The following ITGA9 variants were observed in gnomAD, a reference collection of about 807,000 sequenced individuals.
The protein encoded by ITGA9 is integrin subunit alpha 9, also known as integrin alpha-9.
ITGA9 carries 56 observed loss-of-function variants against 127.8 expected under a neutral mutation model. The ratio of observed to expected loss-of-function variants is 0.44; its 90% CI spans 0.35 to 0.55. The LOEUF (loss-of-function observed/expected upper bound fraction) is 0.55, where lower values mean the gene tolerates loss of function less well. ITGA9 is among the 20% of genes least tolerant of loss of function. The pLI, the probability that ITGA9 is intolerant of heterozygous loss-of-function variation, is 0.00. For synonymous variants in ITGA9, 508 were observed against 514.5 expected, an observed-to-expected ratio of 0.99 and a Z score of 0.17; for missense variants, 1,196 against 1,347.1, an observed-to-expected ratio of 0.89 and a Z score of 1.76.
At chr3:37,477,989 G>T (rs753748141) in intron 3 of ITGA9, among the ~76,000 whole-genome samples, 16 of 151,128 alleles carry the variant, frequency 1.1e-4, no homozygotes, top group Non-Finnish European at 2.2e-4. Context: ...TTTTTAAAGT[G>T]AACTTTTTAT....
chr3:37,755,061 A>AC (rs1004161129), intron 23 of ITGA9, among the ~76,000 whole-genome samples: 20 of 151,576 alleles, frequency 1.3e-4, no homozygotes, highest in Admixed American at 3.9e-4. Context: ...TGAATAACTG[A>AC]CCCCCCCAAA....
intron 1 of ITGA9, among the ~76,000 whole-genome samples, chr3:37,470,352 A>G (rs982560928): frequency 1.3e-4 from 20 of 152,014 alleles, no homozygotes; most frequent in Non-Finnish European, 2.5e-4. Context: ...TGAAGGTTCT[A>G]GTTACTCTAT....
intron 15 of ITGA9, among the ~76,000 whole-genome samples, chr3:37,615,943 G>T (rs1202204875): frequency 6.6e-6 from 1 of 152,002 alleles, no homozygotes; most frequent in Non-Finnish European, 1.5e-5. Context: ...TTTTTGAAGG[G>T]TTTTTTGTGT....
chr3:37,573,717 G>A (rs1358200133), intron 15 of ITGA9, among the ~76,000 whole-genome samples: 1 of 152,184 alleles, frequency 6.6e-6, no homozygotes, highest in Non-Finnish European at 1.5e-5. Flanking sequence ...CTTCAAGGAA[G>A]GAAATATATT....
At chr3:37,628,714 G>A (rs570800175) in intron 15 of ITGA9, among the ~76,000 whole-genome samples, 3 of 152,228 alleles carry the variant, frequency 2.0e-5, no homozygotes, top group South Asian at 2.1e-4. Flanking sequence ...CCTTGCCTCC[G>A]CTGATGTCTA....
At chr3:37,719,839 T>C (rs976572060) in intron 18 of ITGA9, among the ~76,000 whole-genome samples, 4 of 152,118 alleles carry the variant, frequency 2.6e-5, no homozygotes, top group African/African-American at 9.7e-5. Flanking sequence ...TGTCCCAAAG[T>C]CTGCTCAGAT....
At chr3:37,714,734 C>G (rs1243684286) in intron 18 of ITGA9, among the ~76,000 whole-genome samples, 3 of 152,216 alleles carry the variant, frequency 2.0e-5, no homozygotes, top group Non-Finnish European at 4.4e-5. Flanking sequence ...GAGTCAAACT[C>G]TGGGGGTAGT....
chr3:37,717,895 G>A (rs1381741342), intron 18 of ITGA9, among the ~76,000 whole-genome samples: 1 of 152,176 alleles, frequency 6.6e-6, no homozygotes, highest in Admixed American at 6.5e-5. Context: ...GTAAAACAAT[G>A]GTAATAACAA....
intron 18 of ITGA9, 79 bp from the exon 19 acceptor site, chr3:37,732,633 C>G: frequency 1.9e-6 from 2 of 1,054,064 alleles, no homozygotes; most frequent in Non-Finnish European, 2.9e-6. Context: ...CTCTGAAGGA[C>G]TCGATTGCCC....
chr3:37,644,750 G>GT lies in ITGA9; in HGVS notation c.1840-8957dup, dbSNP rs754759850. Among the ~76,000 whole-genome samples the GT allele has an allele frequency of 1.4e-4, 22 of 152,256 alleles. No individual in the cohort carries two copies. The East Asian group carries it at 1.5e-3, about 11-fold the overall frequency. ...TTGTATTTAAAGGGAAACCAAGAGGGTTTTTTTATCCTTCCATGGTTTCAA... is the reference window on the plus strand; with the variant it reads ...TTGTATTTAAAGGGAAACCAAGAGGGTTTTTTTTATCCTTCCATGGTTTCAA... On this transcript the variant is annotated intron_variant, in intron 16 of 27. Coordinates refer to ENST00000264741, the MANE Select transcript of ITGA9 (RefSeq NM_002207.3).
At chr3:37,481,341 A>G in intron 3 of ITGA9, 143 bp from the exon 4 acceptor site, 1 of 1,047,872 alleles carries the variant, frequency 9.5e-7, no homozygotes, top group Admixed American at 1.7e-5. Context: ...TGCCCAGAAA[A>G]GTGCCTGTTA....
intron 13 of ITGA9, among the ~76,000 whole-genome samples, chr3:37,531,096 T>C (rs1699147478): frequency 1.3e-5 from 2 of 151,364 alleles, no homozygotes; most frequent in Admixed American, 6.6e-5. Flanking sequence ...GCGCTTGTGG[T>C]GCTGTCCTTG....
At chr3:37,757,791 A>G (rs1342570793) in intron 23 of ITGA9, among the ~76,000 whole-genome samples, 1 of 151,892 alleles carries the variant, frequency 6.6e-6, no homozygotes, top group Non-Finnish European at 1.5e-5. Flanking sequence ...CTATATCTTA[A>G]AAAAAATCAC....
chr3:37,741,761 G>A lies in ITGA9; in HGVS notation c.2266G>A (p.Asp756Asn). The A allele has an allele frequency of 1.2e-6, 2 of 1,613,846 alleles. No homozygotes were observed. The highest frequency in any genetic ancestry group is 1.7e-6 in the Non-Finnish European group (2 of 1,179,918). The change falls in exon 21 of 28, where the codon GAC (aspartate) becomes AAC (asparagine). Residue 756 changes from aspartate (D) to asparagine (N), a missense_variant. By Grantham distance (23) the Asp-to-Asn change is conservative (BLOSUM62 1). Transcript: ENST00000264741. ...GNTERSESLH[D>N]NTLVLMVPLM... ...CACGGAGCGCTCTGAATCCCTGCATGACAACACCCTCGTGCTGATGGTGCC... is the reference window on the plus strand; with the variant it reads ...CACGGAGCGCTCTGAATCCCTGCATAACAACACCCTCGTGCTGATGGTGCC...
In ITGA9 at chr3:37,823,494, A is replaced by T. The variant is rs544659005; in HGVS notation, c.*4505A>T. ...AAAACATACATGTTTGGAATAAAAA[A>T]TGGCTGCAAACAATTCAGAAGTTCA... On this transcript the variant is annotated 3_prime_UTR_variant, in exon 28 of 28. Coordinates refer to ENST00000264741, the MANE Select transcript of ITGA9 (RefSeq NM_002207.3). 6.6e-6 allele frequency: 1 copy of T among 152,260 alleles called. No homozygotes were observed. The highest frequency in any genetic ancestry group is 1.5e-5 in the Non-Finnish European group (1 of 68,042). 9.4% of individuals were successfully genotyped at this position (152,260 alleles called of 1,614,324 possible). A position where few individuals can be genotyped will look rare whatever the true frequency, so the allele number is the denominator to read the frequency against.
intron 27 of ITGA9, among the ~76,000 whole-genome samples, chr3:37,810,212 C>T (rs1324991016): frequency 1.3e-5 from 2 of 152,176 alleles, no homozygotes; most frequent in Non-Finnish European, 2.9e-5. Flanking sequence ...GTTGCATAAA[C>T]GTGAATCGTG....
intron 18 of ITGA9, among the ~76,000 whole-genome samples, chr3:37,712,856 C>G (rs1041390182): frequency 6.6e-6 from 1 of 152,096 alleles, no homozygotes; most frequent in Non-Finnish European, 1.5e-5. Context: ...GATGGCTCCC[C>G]AGAGGGAAGG....
chr3:37,475,949 TCG>T (rs1698489264), intron 3 of ITGA9, among the ~76,000 whole-genome samples: 1 of 152,250 alleles, frequency 6.6e-6, no homozygotes, highest in Non-Finnish European at 1.5e-5. Context: ...AGTGTGGTGT[TCG>T]TCCTTTTGTG....
At chr3:37,689,837 A>C (rs1700814822) in intron 18 of ITGA9, among the ~76,000 whole-genome samples, 1 of 152,188 alleles carries the variant, frequency 6.6e-6, no homozygotes, top group Non-Finnish European at 1.5e-5. Context: ...ACAGCCATGA[A>C]TTTGTTTGGA....
Sources: allele counts gnomAD v4.1 joint callset (sites outside exome capture counted in the v4.1 genomes callset), GRCh38; gene constraint gnomAD v4.1.1; transcripts MANE v1.5; gene names NCBI Gene and HGNC (gene_info 2026-07-23, HGNC 2026-07-21).